The following TSPAN14 variants were observed in gnomAD, a reference collection of about 807,000 sequenced individuals.
TSPAN14 encodes the protein tetraspanin-14.
In TSPAN14, 16 loss-of-function variants were observed where a neutral mutation model predicts 36.6. The ratio of observed to expected loss-of-function variants is 0.44; its 90% CI spans 0.30 to 0.66. The LOEUF (loss-of-function observed/expected upper bound fraction) is 0.66, where lower values mean the gene tolerates loss of function less well. Ranked by LOEUF, TSPAN14 falls within the 30% of genes least tolerant of loss-of-function variation. The pLI, the probability that TSPAN14 is intolerant of heterozygous loss-of-function variation, is 0.12. For synonymous variants in TSPAN14, 139 were observed against 143.8 expected, an observed-to-expected ratio of 0.97 and a Z score of 0.24; for missense variants, 231 against 355.1, an observed-to-expected ratio of 0.65 and a Z score of 2.81.
At chr10:80,466,597 A>T (rs1846263203) in intron 1 of TSPAN14, 1 of 152,192 alleles carries the variant, frequency 6.6e-6, no homozygotes, top group Admixed American at 6.5e-5. Flanking sequence ...TACAAGACTC[A>T]AAGTAAAAAG....
At chr10:80,517,570 T>C (rs1841002781) in intron 8 of TSPAN14, among the ~76,000 whole-genome samples, 6 of 152,258 alleles carry the variant, frequency 3.9e-5, no homozygotes, top group Admixed American at 3.9e-4. Flanking sequence ...CCTGTTATTT[T>C]TGGTTTAACC....
intron 6 of TSPAN14, among the ~76,000 whole-genome samples, chr10:80,512,754 C>T (rs1179529995): frequency 6.6e-6 from 1 of 152,066 alleles, no homozygotes; most frequent in Non-Finnish European, 1.5e-5. Flanking sequence ...AGTGTAGTGG[C>T]ATGATCTTGG....
At chr10:80,473,209 C>A (rs541002036) in intron 1 of TSPAN14, among the ~76,000 whole-genome samples, 2 of 152,304 alleles carry the variant, frequency 1.3e-5, no homozygotes, top group East Asian at 3.9e-4. Flanking sequence ...CTGAGGACTC[C>A]CCTGACTCAA....
At chr10:80,503,260 G>A (rs1389583151) in intron 2 of TSPAN14, among the ~76,000 whole-genome samples, 3 of 152,172 alleles carry the variant, frequency 2.0e-5, no homozygotes, top group Non-Finnish European at 4.4e-5. Flanking sequence ...AGTCAGTTCA[G>A]GGGGAGGACT....
chr10:80,463,111 G>A (rs910572116), intron 1 of TSPAN14: 1 of 152,144 alleles, frequency 6.6e-6, no homozygotes, highest in African/African-American at 2.4e-5. Context: ...GTCGAAAGCA[G>A]GGAGCCCTGT....
At chr10:80,503,231 A>G (rs1848623315) in intron 2 of TSPAN14, among the ~76,000 whole-genome samples, 1 of 152,144 alleles carries the variant, frequency 6.6e-6, no homozygotes, top group Admixed American at 6.5e-5. Context: ...GCATTCTATC[A>G]GGAAAACCCT....
At chr10:80,508,011 T>G (rs796128270) in intron 4 of TSPAN14, among the ~76,000 whole-genome samples, 2 of 151,362 alleles carry the variant, frequency 1.3e-5, no homozygotes, top group African/African-American at 4.8e-5. Context: ...ATTTTTTCTC[T>G]GGAAAAAAAA....
At chr10:80,498,168 A>C (rs1848298786) in intron 2 of TSPAN14, among the ~76,000 whole-genome samples, 1 of 152,160 alleles carries the variant, frequency 6.6e-6, no homozygotes, top group African/African-American at 2.4e-5. Flanking sequence ...AATCGTCAGC[A>C]TTTCAAGTGG....
At chr10:80,454,844 G>A (rs965247321) in intron 1 of TSPAN14, among the ~76,000 whole-genome samples, 17 of 152,154 alleles carry the variant, frequency 1.1e-4, no homozygotes, top group African/African-American at 3.6e-4. Context: ...GATCGGGTCC[G>A]GGGTGGGGGT....
At chr10:80,462,514 G>C (rs1287702511) in intron 1 of TSPAN14, among the ~76,000 whole-genome samples, 1 of 152,188 alleles carries the variant, frequency 6.6e-6, no homozygotes, top group African/African-American at 2.4e-5. Context: ...CAGCAGGAAA[G>C]GCTGGAATGG....
At chr10:80,466,300 C>T (rs1429788988) in intron 1 of TSPAN14, 1 of 152,212 alleles carries the variant, frequency 6.6e-6, no homozygotes, top group African/African-American at 2.4e-5. Flanking sequence ...GTTGCCCAGG[C>T]TGGAGTGTAG....
At chr10:80,461,408 C>G (rs1845960530) in intron 1 of TSPAN14, among the ~76,000 whole-genome samples, 1 of 152,198 alleles carries the variant, frequency 6.6e-6, no homozygotes, top group East Asian at 1.9e-4. Context: ...GCCATCCTGC[C>G]TACCACAGTC....
chr10:80,500,314 C>CTTTTT lies in TSPAN14; in HGVS notation c.82-4386_82-4382dup, dbSNP rs144759161. Among the ~76,000 whole-genome samples, 43 of 47,894 alleles carry CTTTTT rather than the reference C, an allele frequency of 9.0e-4. 1 individual carries two copies. The highest frequency in any genetic ancestry group is 1.4e-3 in the Non-Finnish European group (40 of 27,946). 31.4% of individuals were successfully genotyped at this position (47,894 alleles called of 152,430 possible). On this transcript the variant is annotated intron_variant, in intron 2 of 8. Transcript: ENST00000429989. ...AATGAAAACAACACAAGGCCTTATT[C>CTTTTT]TTTTTTTTTTTTTTTTTTTTTTTTT...
intron 1 of TSPAN14, among the ~76,000 whole-genome samples, chr10:80,460,821 C>G (rs917374227): frequency 2.0e-5 from 3 of 152,182 alleles, no homozygotes; most frequent in African/African-American, 4.8e-5. Flanking sequence ...TGAAGCTGAG[C>G]TCCTGCTGCA....
intron 1 of TSPAN14, among the ~76,000 whole-genome samples, chr10:80,466,150 T>C (rs1846233169): frequency 6.6e-6 from 1 of 152,214 alleles, no homozygotes; most frequent in African/African-American, 2.4e-5. Flanking sequence ...GCTTACCCTT[T>C]CAAAACCCAT....
chr10:80,467,531 G>T (rs1846308732), intron 1 of TSPAN14, among the ~76,000 whole-genome samples: 4 of 152,126 alleles, frequency 2.6e-5, no homozygotes, highest in Non-Finnish European at 5.9e-5. Flanking sequence ...GAACATTTTA[G>T]CTGTAACCCT....
intron 2 of TSPAN14, among the ~76,000 whole-genome samples, chr10:80,489,648 T>G (rs538213829): frequency 6.6e-6 from 1 of 152,224 alleles, no homozygotes; most frequent in Non-Finnish European, 1.5e-5. Context: ...CAAGGTACTT[T>G]GTGTGCATCT....
At chr10:80,500,870 G>A (rs750403436) in intron 2 of TSPAN14, among the ~76,000 whole-genome samples, 2 of 152,240 alleles carry the variant, frequency 1.3e-5, no homozygotes, top group Non-Finnish European at 2.9e-5. Context: ...GTGAGCAGGA[G>A]CAGGCCTACC....
At chr10:80,516,960 G>T (rs1386350018) in intron 8 of TSPAN14, among the ~76,000 whole-genome samples, 1 of 152,230 alleles carries the variant, frequency 6.6e-6, no homozygotes, top group African/African-American at 2.4e-5. Context: ...GGGTGACTGG[G>T]CTGGTTGGTG....
Sources: gnomAD v4.1 joint callset for allele counts (sites outside exome capture counted in the v4.1 genomes callset) on GRCh38, gnomAD v4.1.1 for gene constraint, MANE v1.5 for transcripts, NCBI Gene and HGNC (gene_info 2026-07-23, HGNC 2026-07-21) for gene names.